Variants in NACC2 observed in about 807,000 individuals in gnomAD.
NACC2 encodes nucleus accumbens-associated protein 2.
In NACC2, 8 loss-of-function variants were observed where a neutral mutation model predicts 25.1. The observed-to-expected ratio is 0.32, with a 90% CI of 0.19 to 0.57. The LOEUF is 0.57. Ranked by LOEUF, NACC2 falls within the 20% of genes least tolerant of loss-of-function variation. The probability of loss-of-function intolerance (pLI) is 0.89; values close to 1 mark genes in which losing one functional copy is unlikely to be tolerated. For missense variants in NACC2, 644 were observed against 650.2 expected (o/e 0.99, Z 0.10); for synonymous variants, 435 against 294.7 (o/e 1.48, Z -4.88).
rs1399341608 is a variant in NACC2 at position 136,008,031 on chromosome 9, G to A, written c.*3485C>T. On this transcript the variant is annotated 3_prime_UTR_variant, in exon 6 of 6. Coordinates refer to ENST00000277554, the MANE Select transcript of NACC2 (RefSeq NM_144653.5). ...CAGGCAGCCGGCTCCTATGTTCTAG[G>A]AGCCCCGACCCGCAGTCACCAACGC... 1.3e-5 allele frequency: 2 copies of A among 152,206 alleles called. No individual in the cohort carries two copies. Among genetic ancestry groups the A allele is most frequent in the Admixed American group, 1.3e-4 (2 of 15,288 alleles). The allele number at this position is 152,206 out of a possible 1,614,324, so 9.4% of individuals were successfully genotyped here. A position where few individuals can be genotyped will look rare whatever the true frequency, so the allele number is the denominator to read the frequency against.
At chr9:136,028,080 T>A (rs1341804606) in intron 2 of NACC2, among the ~76,000 whole-genome samples, 1 of 151,956 alleles carries the variant, frequency 6.6e-6, no homozygotes, top group Non-Finnish European at 1.5e-5. Flanking sequence ...GCCAACATGG[T>A]GAAACCCCCA....
At chr9:136,061,440 C>T (rs1841009022) in intron 1 of NACC2, among the ~76,000 whole-genome samples, 2 of 152,228 alleles carry the variant, frequency 1.3e-5, no homozygotes, top group Admixed American at 1.3e-4. Context: ...AGGCTGCCCC[C>T]TCACCCAGGA....
intron 2 of NACC2, among the ~76,000 whole-genome samples, chr9:136,040,976 AAAGAAAAGG>A (rs1402515770): frequency 1.1e-4 from 10 of 95,018 alleles, no homozygotes; most frequent in Non-Finnish European, 2.1e-4. Context: ...AGAAAGAAAG[AAAGAAAAGG>A]AAGGAAAGGA....
chr9:136,071,524 T>TA (rs1429157302), intron 1 of NACC2, among the ~76,000 whole-genome samples: 1 of 130,778 alleles, frequency 7.6e-6, no homozygotes, highest in Admixed American at 8.7e-5. Flanking sequence ...GCCTGGATGA[T>TA]AGAGTGAGAC....
At position 136,021,065 on chromosome 9, in the gene NACC2, G is replaced by A. The variant is rs529486294; in HGVS notation, c.887-4636C>T. 1.7e-3 allele frequency among the ~76,000 whole-genome samples: 255 copies of A among 152,264 alleles called. 1 individual carries two copies. The highest frequency in any genetic ancestry group is 5.7e-3 in the African/African-American group (237 of 41,550). On this transcript the variant is annotated intron_variant, in intron 2 of 5. Transcript: ENST00000277554. ...GAATTCATCAGAATGAAAAACTTCC[G>A]ATCTCTGAATGAAGATAAAAAAACA...
rs1329000336 is a variant in NACC2, at chr9:136,019,097, G to A, written c.887-2668C>T. 1 of 151,900 alleles carries A rather than the reference G, an allele frequency of 6.6e-6. No homozygotes were observed. 9.4% of individuals were successfully genotyped at this position (151,900 alleles called of 1,614,324 possible). On this transcript the variant is annotated intron_variant, in intron 2 of 5. Transcript: ENST00000277554. This position sits in a 1 kb window ranked among gnomAD's most constrained non-coding sequence, Gnocchi z 5.2. ...CTGCTGGCTAAAAACACCCCGCCCCGAGTGGAAGCTCGTCCGCAAAGGTGC... is the reference window on the plus strand; with the variant it reads ...CTGCTGGCTAAAAACACCCCGCCCCAAGTGGAAGCTCGTCCGCAAAGGTGC...
intron 1 of NACC2, among the ~76,000 whole-genome samples, chr9:136,051,637 C>T (rs1244203756): frequency 6.6e-6 from 1 of 152,098 alleles, no homozygotes; most frequent in Non-Finnish European, 1.5e-5. Context: ...GAGGGCGGAG[C>T]CACCGCGCCG....
chr9:136,080,389 G>C (rs1038928878), intron 1 of NACC2, among the ~76,000 whole-genome samples: 1 of 152,138 alleles, frequency 6.6e-6, no homozygotes, highest in Non-Finnish European at 1.5e-5. Context: ...CACTGCAGTG[G>C]GGTATTAAAA....
chr9:136,056,968 G>C (rs1394853803), intron 1 of NACC2, among the ~76,000 whole-genome samples: 1 of 152,232 alleles, frequency 6.6e-6, no homozygotes, highest in Non-Finnish European at 1.5e-5. Context: ...CAGATAGAGG[G>C]GATGAAGCCA....
intron 2 of NACC2, among the ~76,000 whole-genome samples, chr9:136,017,154 T>C (rs1840215792): frequency 6.6e-6 from 1 of 152,184 alleles, no homozygotes; most frequent in Admixed American, 6.5e-5. Context: ...GCCCTCCTGC[T>C]GTCTGGGGCT....
chr9:136,054,314 C>T (rs1486474797), intron 1 of NACC2, among the ~76,000 whole-genome samples: 1 of 152,116 alleles, frequency 6.6e-6, no homozygotes, highest in African/African-American at 2.4e-5. Flanking sequence ...GTGATGGGGC[C>T]GTGTGGTCCC....
intron 1 of NACC2, among the ~76,000 whole-genome samples, chr9:136,063,305 T>C (rs1841037685): frequency 6.6e-6 from 1 of 152,186 alleles, no homozygotes; most frequent in Non-Finnish European, 1.5e-5. Context: ...TCTGACTCTG[T>C]GGGCTGATCC....
rs1323173111 is a variant in NACC2 at position 136,019,947 on chromosome 9, AGTC to A, written c.887-3521_887-3519del. ...GGCTCCACTCGCAGGCGGCCCCCAG[AGTC>A]GTCAGGTCCACAGAGGCGGGAAACA... On this transcript the variant is annotated intron_variant, in intron 2 of 5. Transcript: ENST00000277554. The surrounding 1 kb of genome is among the most constrained non-coding windows in gnomAD (Gnocchi z 5.2). Among the ~76,000 whole-genome samples, 1 of 143,186 alleles carries A rather than the reference AGTC, an allele frequency of 7.0e-6. No individual in the cohort carries two copies. Among genetic ancestry groups the A allele is most frequent in the Non-Finnish European group, 1.5e-5 (1 of 65,726 alleles). 93.9% of individuals were successfully genotyped at this position (143,186 alleles called of 152,430 possible).
At position 136,055,342 on chromosome 9, in the gene NACC2, C is replaced by T. The variant is rs1840909593; in HGVS notation, c.-59-4762G>A. On this transcript the variant is annotated intron_variant, in intron 1 of 5. Transcript: ENST00000277554. This position sits in a 1 kb window ranked among gnomAD's most constrained non-coding sequence, Gnocchi z 4.9. Reference sequence around the variant, plus strand: ...TTACAAGGTTGGTGCCAGGCCAGGGCACCTGGGTCCTGGCATCAAGTACCC... The same window carrying T: ...TTACAAGGTTGGTGCCAGGCCAGGGTACCTGGGTCCTGGCATCAAGTACCC... 6.6e-6 allele frequency among the ~76,000 whole-genome samples: 1 copy of T among 152,146 alleles called. No individual in the cohort carries two copies. The highest frequency in any genetic ancestry group is 1.5e-5 in the Non-Finnish European group (1 of 68,012).
chr9:136,062,967 T>C (rs1841032519), intron 1 of NACC2, among the ~76,000 whole-genome samples: 1 of 152,196 alleles, frequency 6.6e-6, no homozygotes, highest in South Asian at 2.1e-4. Context: ...CCCAGAAACA[T>C]GAGGTACATG....
intron 1 of NACC2, among the ~76,000 whole-genome samples, chr9:136,066,635 T>C (rs1841084962): frequency 6.6e-6 from 1 of 152,224 alleles, no homozygotes; most frequent in South Asian, 2.1e-4. Context: ...CAACCCTAGG[T>C]ATGCAGCCAA....
intron 1 of NACC2, among the ~76,000 whole-genome samples, chr9:136,093,876 G>A (rs935477260): frequency 1.3e-5 from 2 of 152,196 alleles, no homozygotes; most frequent in Non-Finnish European, 2.9e-5. Flanking sequence ...CCTGCTGGGG[G>A]GTGCTACAGG....
chr9:136,026,172 T>G (rs573825044), intron 2 of NACC2, among the ~76,000 whole-genome samples: 1 of 151,348 alleles, frequency 6.6e-6, no homozygotes, highest in African/African-American at 2.4e-5. Context: ...AAACTCCGTC[T>G]CTACTAAAAA....
chr9:136,051,874 G>A (rs1024240048), intron 1 of NACC2, among the ~76,000 whole-genome samples: 1 of 124,600 alleles, frequency 8.0e-6, no homozygotes, highest in Non-Finnish European at 1.6e-5. Context: ...CAGGGAGCCG[G>A]CAAGGAGGAG....
Sources: allele counts gnomAD v4.1 joint callset (sites outside exome capture counted in the v4.1 genomes callset), GRCh38; gene constraint gnomAD v4.1.1; non-coding constraint Gnocchi (gnomAD v3.1); transcripts MANE v1.5; gene names NCBI Gene and HGNC (gene_info 2026-07-23, HGNC 2026-07-21).